ISYNA1: variants seen among roughly 807,000 people sequenced by gnomAD.
ISYNA1 encodes inositol-3-phosphate synthase 1.
Under a neutral mutation model 50.3 loss-of-function variants are expected in ISYNA1, and 34 were observed. The ratio of observed to expected loss-of-function variants is 0.68; its 90% CI spans 0.51 to 0.90. The LOEUF (loss-of-function observed/expected upper bound fraction) is 0.90. Ranked by LOEUF, ISYNA1 falls within the 40% of genes least tolerant of loss-of-function variation. The pLI is 0.00. For missense variants in ISYNA1, 718 were observed against 784.8 expected (o/e 0.91, Z 1.02); for synonymous variants, 396 against 349.9 (o/e 1.13, Z -1.47).
rs1974047443 is a variant in ISYNA1 at position 18,436,488 on chromosome 19, TGGATGGTGAGGGTGTGGGGA to T, written c.610-29_610-10del. 2 of 1,603,380 alleles carry T rather than the reference TGGATGGTGAGGGTGTGGGGA, an allele frequency of 1.2e-6. No homozygotes were observed. The highest frequency in any genetic ancestry group is 1.3e-5 in the African/African-American group (1 of 74,838). ...CTGCGGATCTGCTCCAGCTGTGGGT[TGGATGGTGAGGGTGTGGGGA>T]GGATGGAGAGGGTGTAGGGAAGTTG... On this transcript the variant is annotated splice_polypyrimidine_tract_variant and intron_variant, in intron 5 of 10. Coordinates refer to ENST00000338128, the MANE Select transcript of ISYNA1 (RefSeq NM_016368.5).
rs764670516 is a variant in ISYNA1 at position 18,436,547 on chromosome 19, T to C, written c.610-68A>G. 17 of 1,598,594 alleles carry C rather than the reference T, an allele frequency of 1.1e-5. No individual in the cohort carries two copies. In the East Asian group the frequency reaches 3.6e-4, roughly 34 times the overall value. On this transcript the variant is annotated intron_variant, in intron 5 of 10. Coordinates refer to ENST00000338128, the MANE Select transcript of ISYNA1 (RefSeq NM_016368.5). The stretch of plus-strand genomic sequence containing the variant: ...GTAGGGAAGTTGGTTGTACATACTC[T>C]CGGACTCACAGAGGCCTGGGCTACT...
At chr19:18,437,568 T>C in intron 3 of ISYNA1, 31 bp downstream of exon 3, 2 of 764,256 alleles carry the variant, frequency 2.6e-6, no homozygotes, top group Non-Finnish European at 3.2e-6. Flanking sequence ...CCACCAAGCC[T>C]CCCTACCCAC....
chr19:18,437,209 C>CA, intron 3 of ISYNA1, 104 bp from the exon 4 acceptor site: 1 of 1,458,564 alleles, frequency 6.9e-7, no homozygotes, highest in South Asian at 1.4e-5. Flanking sequence ...CACTTTCGGG[C>CA]ATTTTTCAGT....
Position 18,436,399 on chromosome 19 carries a change from G to A in ISYNA1, c.690C>T (p.Asn230=), listed in dbSNP as rs61743954. ...GAATCACCTCACAGAAGCGCTCCGT[G>A]TTCGCCGTCCACAGCACTATGACTT... ...LDKVIVLWTA[N]TERFCEVIPG... Residue 230 remains asparagine (N), a synonymous_variant, in exon 6 of 11, where the codon AAC becomes AAT. Transcript: ENST00000338128. 15,025 of 1,611,832 alleles carry A rather than the reference G, an allele frequency of 9.3e-3. 181 individuals carry two copies. The highest frequency in any genetic ancestry group is 0.053 in the African/African-American group (3,939 of 74,984).
chr19:18,436,571 C>A, intron 5 of ISYNA1, 92 bp from the exon 6 acceptor site: 1 of 1,597,480 alleles, frequency 6.3e-7, no homozygotes. Flanking sequence ...GCCTGGGCTA[C>A]TCAGTTCCCC....
Position 18,435,317 on chromosome 19 carries a change from G to C in ISYNA1, c.1421C>G (p.Pro474Arg), listed in dbSNP as rs1042929908. 6.2e-7 allele frequency: 1 copy of C among 1,608,620 alleles called. No individual in the cohort carries two copies. The highest frequency in any genetic ancestry group is 8.5e-7 in the Non-Finnish European group (1 of 1,179,958). Residue 474 changes from proline to arginine, a missense_variant, in exon 10 of 11, where the codon CCG (proline) becomes CGG (arginine). Physicochemically the swap from Pro to Arg is moderately radical, Grantham distance 103. Around this residue, in one of 3 missense-constraint regions of ISYNA1, gnomAD observed 305 missense variants for 292.6 expected, o/e 1.04. Coordinates refer to ENST00000338128, the MANE Select transcript of ISYNA1 (RefSeq NM_016368.5). ...FKAPLVPPGS[P>R]VVNALFRQRS... Reference sequence around the variant, plus strand: ...CTGGCGGAAAAGCGCATTGACCACCGGGCTGCCGGGCGGCACTAGTGGCGC... The same window carrying C: ...CTGGCGGAAAAGCGCATTGACCACCCGGCTGCCGGGCGGCACTAGTGGCGC...
Position 18,437,017 on chromosome 19 carries a change from C to G in ISYNA1, c.371G>C (p.Ser124Thr). The change falls in exon 4 of 11, where the codon AGC becomes ACC. Residue 124 changes from serine (S) to threonine (T), a missense_variant. Transcript: ENST00000338128. ...GGGCGCCACCATGGGCAGCACCGCG[C>G]TGAAGGGTACGAACACCTCCTGGCC... is the stretch of plus-strand genomic sequence containing the variant. ...AEGQEVFVPFSAVLPMVAPND... is the reference protein window; with the variant it reads ...AEGQEVFVPFTAVLPMVAPND... 6.2e-7 allele frequency: 1 copy of G among 1,611,210 alleles called. No homozygotes were observed. The highest frequency in any genetic ancestry group is 1.1e-5 in the South Asian group (1 of 90,988).
intron 3 of ISYNA1, 54 bp from the exon 4 acceptor site, chr19:18,437,159 G>A (rs1349196608): frequency 5.3e-6 from 8 of 1,519,454 alleles, no homozygotes; most frequent in Non-Finnish European, 7.1e-6. Flanking sequence ...AAAGGGCCGC[G>A]ACCCGGCCTG....
In ISYNA1 at chr19:18,437,950, C is replaced by G. The variant is rs199935135; in HGVS notation, c.30G>C (p.Glu10Asp). 7 of 1,602,072 alleles carry G rather than the reference C, an allele frequency of 4.4e-6. No individual in the cohort carries two copies. In the African/African-American group the frequency reaches 5.3e-5, roughly 12 times the overall value. ...CGGGGCCGTAGACCACGTCCGGGCTCTCGACGAAGAACTGGGCGGCGGCCT... is the reference window on the plus strand; with the variant it reads ...CGGGGCCGTAGACCACGTCCGGGCTGTCGACGAAGAACTGGGCGGCGGCCT... Reference protein sequence around the residue: MEAAAQFFVESPDVVYGPEA... With the variant: MEAAAQFFVDSPDVVYGPEA... The change falls in exon 2 of 11, where the codon GAG becomes GAC. Residue 10 changes from glutamate (E) to aspartate (D), a missense_variant. By Grantham distance (45) the Glu-to-Asp change is conservative. This residue lies in a region of ISYNA1 where 403 missense variants were observed against 466.6 expected (regional missense o/e 0.86). Coordinates refer to ENST00000338128, the MANE Select transcript of ISYNA1 (RefSeq NM_016368.5).
In ISYNA1 at chr19:18,436,239, C is replaced by G. The variant is rs371293031; in HGVS notation, c.768G>C (p.Leu256=). The part of the protein sequence containing the change: ...ENLLRTIELG[L]EVSPSTLFAV... ...CGAAGAGCGTGGAGGGCGACACCTC[C>G]AGACCGAGCTGTGGGCAAGGCGGGC... The change falls in exon 7 of 11, where the codon CTG becomes CTC. Residue 256 remains leucine (L), a synonymous_variant. Coordinates refer to ENST00000338128, the MANE Select transcript of ISYNA1 (RefSeq NM_016368.5). The G allele has an allele frequency of 6.2e-7, 1 of 1,608,630 alleles. No individual in the cohort carries two copies. The highest frequency in any genetic ancestry group is 1.3e-5 in the African/African-American group (1 of 75,056).
Position 18,435,800 on chromosome 19 carries a change from C to T in ISYNA1, c.1097G>A (p.Ser366Asn). 6.2e-7 allele frequency: 1 copy of T among 1,613,774 alleles called. No individual in the cohort carries two copies. The highest frequency in any genetic ancestry group is 8.5e-7 in the Non-Finnish European group (1 of 1,179,936). ...GCCGGGCGTATAGAGCACTGGGTTGCTCTGCACCATGTCGTCCACCACGTT... is the reference window on the plus strand; with the variant it reads ...GCCGGGCGTATAGAGCACTGGGTTGTTCTGCACCATGTCGTCCACCACGTT... ...KSNVVDDMVQ[S>N]NPVLYTPGEE... Residue 366 changes from serine (S) to asparagine (N), a missense_variant, in exon 8 of 11, where the codon AGC becomes AAC. By Grantham distance (46) the Ser-to-Asn change is conservative. This residue lies in a region of ISYNA1 where 305 missense variants were observed against 292.6 expected (regional missense o/e 1.04). Transcript: ENST00000338128.
In ISYNA1 at chr19:18,436,699, G is replaced by T; in HGVS notation, c.594C>A (p.Gly198=). The change falls in exon 5 of 11, where the codon GGC becomes GGA. Residue 198 remains glycine, a synonymous_variant. Transcript: ENST00000338128. ...GGGACAGCACCTGCTGCGCACGCGA[G>T]CCTGGGATGAGGTTGTCCGCGCGCG... is the stretch of plus-strand genomic sequence containing the variant. The part of the protein sequence containing the change: ...QSARADNLIP[G]SRAQQLEQIR... The T allele has an allele frequency of 6.4e-7, 1 of 1,569,008 alleles. No individual in the cohort carries two copies. The highest frequency in any genetic ancestry group is 8.6e-7 in the Non-Finnish European group (1 of 1,160,212).
In ISYNA1 at chr19:18,436,497, A is replaced by G. The variant is rs778427610; in HGVS notation, c.610-18T>C. The G allele has an allele frequency of 1.2e-6, 2 of 1,601,866 alleles. No individual in the cohort carries two copies. Among genetic ancestry groups the G allele is most frequent in the Non-Finnish European group, 1.7e-6 (2 of 1,179,506 alleles). On this transcript the variant is annotated intron_variant, in intron 5 of 10. Transcript: ENST00000338128. Reference sequence around the variant, plus strand: ...TGCTCCAGCTGTGGGTTGGATGGTGAGGGTGTGGGGAGGATGGAGAGGGTG... The same window carrying G: ...TGCTCCAGCTGTGGGTTGGATGGTGGGGGTGTGGGGAGGATGGAGAGGGTG...
chr19:18,436,466 C>T lies in ISYNA1; in HGVS notation c.623G>A (p.Arg208His). 1 of 1,605,488 alleles carries T rather than the reference C, an allele frequency of 6.2e-7. No homozygotes were observed. The highest frequency in any genetic ancestry group is 8.5e-7 in the Non-Finnish European group (1 of 1,179,838). ...AGACCGGAAGTCTCGGATGTCCCTGCGGATCTGCTCCAGCTGTGGGTTGGA... is the reference window on the plus strand; with the variant it reads ...AGACCGGAAGTCTCGGATGTCCCTGTGGATCTGCTCCAGCTGTGGGTTGGA... ...GSRAQQLEQI[R>H]RDIRDFRSSA... Residue 208 changes from arginine (R) to histidine (H), a missense_variant, in exon 6 of 11, where the codon CGC becomes CAC. Arg to His is a conservative substitution (Grantham distance 29, BLOSUM62 0). Coordinates refer to ENST00000338128, the MANE Select transcript of ISYNA1 (RefSeq NM_016368.5).
chr19:18,437,399 T>G, intron 3 of ISYNA1, 200 bp downstream of exon 3: 3 of 718,132 alleles, frequency 4.2e-6, no homozygotes, highest in Non-Finnish European at 5.2e-6. Flanking sequence ...CCCACAGAGC[T>G]TCGCCCCCTG....
In ISYNA1 at chr19:18,436,506, G is replaced by A. The variant is rs201401649; in HGVS notation, c.610-27C>T. The A allele has an allele frequency of 1.1e-3, 1,749 of 1,601,862 alleles. 2 individuals carry two copies. Among genetic ancestry groups the A allele is most frequent in the Non-Finnish European group, 1.4e-3 (1,605 of 1,179,522 alleles). On this transcript the variant is annotated intron_variant, in intron 5 of 10. Transcript: ENST00000338128. ...TGTGGGTTGGATGGTGAGGGTGTGG[G>A]GAGGATGGAGAGGGTGTAGGGAAGT... is the stretch of plus-strand genomic sequence containing the variant.
chr19:18,436,957 C>A lies in ISYNA1; in HGVS notation c.415+16G>T, dbSNP rs765676731. The A allele has an allele frequency of 1.8e-5, 29 of 1,607,842 alleles. No homozygotes were observed. The highest frequency in any genetic ancestry group is 1.7e-4 in the Admixed American group (10 of 59,736). On this transcript the variant is annotated intron_variant, in intron 4 of 10. Transcript: ENST00000338128. Reference sequence around the variant, plus strand: ...ATCTCCCATCCCGCCCCACCCCGGCCCAGGGCTCCGCCCACCATCGAACAC... The same window carrying A: ...ATCTCCCATCCCGCCCCACCCCGGCACAGGGCTCCGCCCACCATCGAACAC...
Position 18,434,916 on chromosome 19 carries a change from G to T in ISYNA1, c.1674C>A (p.Thr558=). Residue 558 remains threonine, a synonymous_variant, in exon 11 of 11, where the codon ACC becomes ACA. Coordinates refer to ENST00000338128, the MANE Select transcript of ISYNA1 (RefSeq NM_016368.5). Reference sequence around the variant, plus strand: ...GAGAAACTGTGTGACCGGGGCCTCAGGTGGTGGGCATTGGGGGCTCCTCTT... The same window carrying T: ...GAGAAACTGTGTGACCGGGGCCTCATGTGGTGGGCATTGGGGGCTCCTCTT... The part of the protein sequence containing the change: ...HLQEEPPMPT[T] 6.2e-7 allele frequency: 1 copy of T among 1,612,318 alleles called. No individual in the cohort carries two copies. The highest frequency in any genetic ancestry group is 8.5e-7 in the Non-Finnish European group (1 of 1,179,570).
In ISYNA1 at chr19:18,434,846, G is replaced by T; in HGVS notation, c.*67C>A. The T allele has an allele frequency of 7.4e-7, 1 of 1,345,410 alleles. No individual in the cohort carries two copies. Among genetic ancestry groups the T allele is most frequent in the East Asian group, 2.3e-5 (1 of 43,342 alleles). The allele number at this position is 1,345,410 out of a possible 1,614,324, so 83.3% of individuals were successfully genotyped here. A position where few individuals can be genotyped will look rare whatever the true frequency, so the allele number is the denominator to read the frequency against. ...TGAGTGGCAGCGCCTTTATTTGTGG[G>T]GGCCTTCAAGGTAGGGTCGTGGGGG... is the stretch of plus-strand genomic sequence containing the variant. On this transcript the variant is annotated 3_prime_UTR_variant, in exon 11 of 11. Coordinates refer to ENST00000338128, the MANE Select transcript of ISYNA1 (RefSeq NM_016368.5).
Sources: gnomAD v4.1 joint callset for allele counts on GRCh38, gnomAD v4.1.1 for gene constraint, gnomAD v4.1.1 regional missense constraint, MANE v1.5 for transcripts, NCBI Gene and HGNC (gene_info 2026-07-23, HGNC 2026-07-21) for gene names.